Variants in INTS6 observed in about 807,000 individuals in gnomAD.
The protein encoded by INTS6 is DEAD box protein.
INTS6 carries 16 observed loss-of-function variants against 104.9 expected under a neutral mutation model. That is an observed-to-expected ratio of 0.15 (90% CI 0.10 to 0.23). INTS6 has a LOEUF of 0.23. INTS6 is among the 10% of genes least tolerant of loss of function. The pLI is 1.00. For synonymous variants in INTS6, 324 were observed against 358.7 expected (o/e 0.90, Z 1.09); for missense variants, 584 against 1,062.8 (o/e 0.55, Z 6.26).
the INTS6 span, among the ~76,000 whole-genome samples, chr13:51,338,520 T>C: frequency 6.6e-6 from 1 of 152,064 alleles, no homozygotes; most frequent in Admixed American, 6.6e-5. Flanking sequence ...GACAGATGAA[T>C]GGACAGATGG....
At chr13:51,436,781 GT>G (rs1952698375) in intron 3 of INTS6, 1 of 152,150 alleles carries the variant, frequency 6.6e-6, no homozygotes, top group African/African-American at 2.4e-5. Context: ...CAGAATTTGA[GT>G]TTTATACTTG....
chr13:51,411,142 G>A (rs1012355980), intron 4 of INTS6, among the ~76,000 whole-genome samples: 1 of 151,910 alleles, frequency 6.6e-6, no homozygotes, highest in Non-Finnish European at 1.5e-5. Flanking sequence ...GAACCCGGGA[G>A]GCAGAGGTTG....
intron 3 of INTS6, chr13:51,450,160 C>T: frequency 1.0e-6 from 1 of 984,784 alleles, no homozygotes; most frequent in Non-Finnish European, 1.2e-6. Context: ...AGGAATAGTG[C>T]TTTTCACTAC....
In INTS6 at chr13:51,422,010, T is replaced by TA. The variant is rs200891356; in HGVS notation, c.429+8283dup. 9.0e-3 allele frequency among the ~76,000 whole-genome samples: 1,355 copies of TA among 150,566 alleles called. 22 individuals carry two copies. The highest frequency in any genetic ancestry group is 0.03 in the African/African-American group (1,240 of 41,208). On this transcript the variant is annotated intron_variant, in intron 4 of 17. Transcript: ENST00000311234. ...TTATTTATTTAAATCTGCTTCAAAG[T>TA]AAAAAAAAAATTTAACTATCAGAAT...
chr13:51,440,416 G>A (rs1952773871), intron 3 of INTS6: 1 of 152,194 alleles, frequency 6.6e-6, no homozygotes, highest in South Asian at 2.1e-4. Flanking sequence ...AGTAAGCTAA[G>A]GTTAATTTAT....
At chr13:51,426,935 A>G (rs900143497) in intron 4 of INTS6, among the ~76,000 whole-genome samples, 1 of 152,126 alleles carries the variant, frequency 6.6e-6, no homozygotes, top group Non-Finnish European at 1.5e-5. Flanking sequence ...TTTTGGCAGT[A>G]ACAAATGTTA....
At chr13:51,418,608 C>T (rs1350530732) in intron 4 of INTS6, among the ~76,000 whole-genome samples, 1 of 152,156 alleles carries the variant, frequency 6.6e-6, no homozygotes, top group African/African-American at 2.4e-5. Context: ...TTACACTCCA[C>T]AGTTAAAAAT....
chr13:51,423,385 A>C (rs1956929299), intron 4 of INTS6, among the ~76,000 whole-genome samples: 1 of 151,972 alleles, frequency 6.6e-6, no homozygotes, highest in African/African-American at 2.4e-5. Flanking sequence ...CATCCAAATC[A>C]GGAATTATGG....
the INTS6 span, chr13:51,344,123 T>C: frequency 1.5e-6 from 1 of 689,070 alleles, no homozygotes; most frequent in Non-Finnish European, 2.6e-6. Flanking sequence ...TGGCTTTGTA[T>C]GGTAGATGAA....
chr13:51,415,187 C>A (rs1311155144), intron 4 of INTS6, among the ~76,000 whole-genome samples: 1 of 151,680 alleles, frequency 6.6e-6, no homozygotes, highest in Admixed American at 6.6e-5. Context: ...AAAAAAAATT[C>A]TTTAAAAATC....
At chr13:51,382,502 T>C (rs529529495) in intron 9 of INTS6, among the ~76,000 whole-genome samples, 1 of 152,348 alleles carries the variant, frequency 6.6e-6, no homozygotes, top group Middle Eastern at 3.4e-3. Context: ...AAGGTAAGTT[T>C]TCTCCAACAG....
intron 11 of INTS6, among the ~76,000 whole-genome samples, chr13:51,378,869 C>T (rs1443388357): frequency 1.3e-5 from 2 of 151,848 alleles, no homozygotes; most frequent in East Asian, 3.9e-4. Context: ...GCAGTTCTTC[C>T]CTGGAAAGCA....
intron 3 of INTS6, chr13:51,449,967 C>T: frequency 1.0e-6 from 1 of 985,266 alleles, no homozygotes; most frequent in Non-Finnish European, 1.2e-6. Flanking sequence ...TCCAAAGACA[C>T]TTAAGCACTG....
chr13:51,426,264 A>T (rs868166210), intron 4 of INTS6, among the ~76,000 whole-genome samples: 4 of 152,128 alleles, frequency 2.6e-5, no homozygotes, highest in African/African-American at 9.6e-5. Context: ...TTTTTCTGAC[A>T]AACAAGTTAT....
intron 4 of INTS6, among the ~76,000 whole-genome samples, chr13:51,398,286 T>C (rs928650049): frequency 1.3e-5 from 2 of 152,090 alleles, no homozygotes; most frequent in African/African-American, 4.8e-5. Context: ...GAGGTCTTCC[T>C]GAATATATGG....
intron 14 of INTS6, 104 bp from the exon 15 acceptor site, chr13:51,374,543 TTAGA>T: frequency 6.7e-7 from 1 of 1,503,294 alleles, no homozygotes; most frequent in Non-Finnish European, 9.1e-7. Context: ...TTCATATTTA[TTAGA>T]TACTCTACCA....
chr13:51,366,165 C>T (rs1233319488), intron 17 of INTS6, among the ~76,000 whole-genome samples: 1 of 151,898 alleles, frequency 6.6e-6, no homozygotes, highest in African/African-American at 2.4e-5. Context: ...TCAAGGGCTG[C>T]AAACACTCTA....
intron 7 of INTS6, among the ~76,000 whole-genome samples, chr13:51,385,835 A>T (rs755318478): frequency 6.6e-6 from 1 of 152,160 alleles, no homozygotes; most frequent in Non-Finnish European, 1.5e-5. Context: ...TACGTGAACC[A>T]TATCAATAGC....
chr13:51,346,134 A>G, the INTS6 span, among the ~76,000 whole-genome samples: 2 of 152,228 alleles, frequency 1.3e-5, no homozygotes, highest in African/African-American at 4.8e-5. Context: ...AACAGAGCCT[A>G]TCACAAAGTG....
Sources: gnomAD v4.1 joint callset for allele counts (sites outside exome capture counted in the v4.1 genomes callset) on GRCh38, gnomAD v4.1.1 for gene constraint, MANE v1.5 for transcripts, NCBI Gene and HGNC (gene_info 2026-07-23, HGNC 2026-07-21) for gene names.